The following BPGM variants were observed in gnomAD, a reference collection of about 807,000 sequenced individuals.
The protein encoded by BPGM is bisphosphoglycerate mutase, also known as 2,3-bisphosphoglycerate mutase, erythrocyte.
A neutral mutation model predicts 21.6 loss-of-function variants in BPGM; 15 were observed. The observed-to-expected ratio is 0.70, with a 90% CI of 0.47 to 1.07. The LOEUF (loss-of-function observed/expected upper bound fraction) is 1.07, where lower values mean the gene tolerates loss of function less well. Ranked by LOEUF, BPGM falls within the 50% of genes least tolerant of loss-of-function variation. The pLI is 0.00. For synonymous variants in BPGM, 113 were observed against 116.2 expected, an observed-to-expected ratio of 0.97 and a Z score of 0.18; for missense variants, 273 against 319.0, an observed-to-expected ratio of 0.86 and a Z score of 1.10.
rs545767537 is a variant in BPGM, at chr7:134,679,813, C to A, written c.*782C>A. ...ATAAAGTGACTGAAAATGGCATCCC[C>A]AAAGTGTCTCCGTGTGTTTGGTGAA... On this transcript the variant is annotated 3_prime_UTR_variant, in exon 3 of 3. Coordinates refer to ENST00000344924, the MANE Select transcript of BPGM (RefSeq NM_001724.5). 6.6e-6 allele frequency: 1 copy of A among 152,174 alleles called. No individual in the cohort carries two copies. Among genetic ancestry groups the A allele is most frequent in the Non-Finnish European group, 1.5e-5 (1 of 68,024 alleles). The allele number at this position is 152,174 out of a possible 1,614,324, so 9.4% of individuals were successfully genotyped here.
intron 2 of BPGM, 79 bp from the exon 3 acceptor site, chr7:134,678,774 A>G (rs1796018177): frequency 1.5e-6 from 2 of 1,344,286 alleles, no homozygotes; most frequent in African/African-American, 2.9e-5. Context: ...AATGGGATTA[A>G]AGTGCAGTTA....
chr7:134,653,429 T>C (rs1795587913), intron 1 of BPGM, among the ~76,000 whole-genome samples: 1 of 152,240 alleles, frequency 6.6e-6, no homozygotes, highest in East Asian at 1.9e-4. Flanking sequence ...CTAGTGTTCA[T>C]ACTCCTGGGT....
chr7:134,664,707 T>C (rs982947858), intron 2 of BPGM, among the ~76,000 whole-genome samples: 2 of 152,224 alleles, frequency 1.3e-5, no homozygotes, highest in Non-Finnish European at 2.9e-5. Context: ...ACCCAAGTGT[T>C]CATCAACTTA....
intron 2 of BPGM, among the ~76,000 whole-genome samples, chr7:134,662,894 G>A (rs553846976): frequency 6.6e-6 from 1 of 152,188 alleles, no homozygotes; most frequent in Non-Finnish European, 1.5e-5. Flanking sequence ...ATGAACTCTT[G>A]AGGATTCAGG....
At chr7:134,656,919 G>A (rs894727091) in intron 1 of BPGM, among the ~76,000 whole-genome samples, 1 of 152,180 alleles carries the variant, frequency 6.6e-6, no homozygotes, top group Admixed American at 6.5e-5. Flanking sequence ...CTGCCTATGA[G>A]CCTAGAAAAT....
rs79905798 is a variant in BPGM at position 134,650,945 on chromosome 7, T to C, written c.-62+4008T>C. ...GTCTCAAAAGAAACATTAAAAGCCT[T>C]AAGGAACTGAGCCCCAGATTTCATT... On this transcript the variant is annotated intron_variant, in intron 1 of 2. Transcript: ENST00000344924. Among the ~76,000 whole-genome samples, 1,112 of 152,298 alleles carry C rather than the reference T, an allele frequency of 7.3e-3. 11 individuals carry two copies. The highest frequency in any genetic ancestry group is 0.026 in the African/African-American group (1,061 of 41,556).
intron 1 of BPGM, among the ~76,000 whole-genome samples, chr7:134,651,979 AAGG>A (rs1422912224): frequency 1.3e-5 from 2 of 152,222 alleles, no homozygotes; most frequent in African/African-American, 2.4e-5. Context: ...GATATTTTTG[AAGG>A]AGATTAACAG....
chr7:134,670,793 G>A (rs1795891717), intron 2 of BPGM, among the ~76,000 whole-genome samples: 1 of 152,074 alleles, frequency 6.6e-6, no homozygotes. Context: ...TGAATGAGTT[G>A]ACTGGAGTTG....
At chr7:134,651,321 A>G (rs996890329) in intron 1 of BPGM, among the ~76,000 whole-genome samples, 1 of 152,092 alleles carries the variant, frequency 6.6e-6, no homozygotes, top group Non-Finnish European at 1.5e-5. Flanking sequence ...AGTTTGTCCT[A>G]TTTGTCCGTG....
intron 1 of BPGM, among the ~76,000 whole-genome samples, chr7:134,656,831 G>A (rs922311181): frequency 2.0e-5 from 3 of 152,014 alleles, no homozygotes; most frequent in East Asian, 1.9e-4. Context: ...TCCAACAGTC[G>A]CCCAAAGTCT....
intron 1 of BPGM, chr7:134,658,694 A>G (rs1795679915): frequency 6.6e-6 from 1 of 152,222 alleles, no homozygotes; most frequent in African/African-American, 2.4e-5. Flanking sequence ...TTAAGTGGGA[A>G]AAGTCCGTTG....
At chr7:134,656,099 T>A (rs1795633297) in intron 1 of BPGM, among the ~76,000 whole-genome samples, 1 of 152,148 alleles carries the variant, frequency 6.6e-6, no homozygotes, top group Non-Finnish European at 1.5e-5. Flanking sequence ...TAGAAATGCA[T>A]ATTCACAGTC....
Position 134,661,526 on chromosome 7 carries a change from A to C in BPGM, c.19A>C (p.Ile7Leu), listed in dbSNP as rs764826321. The change falls in exon 2 of 3, where the codon ATT (isoleucine) becomes CTT (leucine). Residue 7 changes from isoleucine to leucine, a missense_variant. Transcript: ENST00000344924. This position sits in a 1 kb window ranked among gnomAD's most constrained non-coding sequence, Gnocchi z 4.6. Reference sequence around the variant, plus strand: ...CATCAGTATGTCCAAGTACAAACTTATTATGTTAAGACATGGAGAGGGTGC... The same window carrying C: ...CATCAGTATGTCCAAGTACAAACTTCTTATGTTAAGACATGGAGAGGGTGC... MSKYKLIMLRHGEGAWN... is the reference protein window; with the variant it reads MSKYKLLMLRHGEGAWN... The C allele has an allele frequency of 1.0e-4, 166 of 1,614,066 alleles. No homozygotes were observed. The highest frequency in any genetic ancestry group is 1.3e-4 in the Non-Finnish European group (153 of 1,180,018).
At chr7:134,673,925 T>TA (rs1392256285) in intron 2 of BPGM, among the ~76,000 whole-genome samples, 50 of 148,298 alleles carry the variant, frequency 3.4e-4, no homozygotes, top group Non-Finnish European at 5.8e-4. Context: ...TTTTTTTTTT[T>TA]AAATTGAGAC....
chr7:134,668,398 G>A (rs964247513), intron 2 of BPGM, among the ~76,000 whole-genome samples: 7 of 152,208 alleles, frequency 4.6e-5, no homozygotes, highest in African/African-American at 1.7e-4. Flanking sequence ...AAGAAGCTGA[G>A]TCAAGAACAT....
At position 134,661,654 on chromosome 7, in the gene BPGM, CTTTGAGTTTGATCTTGTA is replaced by C; in HGVS notation, c.150_167del (p.Glu51_Phe56del). 2 of 1,614,130 alleles carry C rather than the reference CTTTGAGTTTGATCTTGTA, an allele frequency of 1.2e-6. No homozygotes were observed. Among genetic ancestry groups the C allele is most frequent in the Non-Finnish European group, 1.7e-6 (2 of 1,180,032 alleles). On this transcript the variant is annotated inframe_deletion, in exon 2 of 3. Transcript: ENST00000344924. This position sits in a 1 kb window ranked among gnomAD's most constrained non-coding sequence, Gnocchi z 4.6. ...GTGGGAAGCAACTCAAAGCGTTAAACTTTGAGTTTGATCTTGTATTCACATCTGTCCTTAATCGGTCCA... is the reference window on the plus strand; with the variant it reads ...GTGGGAAGCAACTCAAAGCGTTAAACTTCACATCTGTCCTTAATCGGTCCA...
intron 2 of BPGM, among the ~76,000 whole-genome samples, chr7:134,678,444 C>G (rs779714806): frequency 5.9e-5 from 9 of 152,170 alleles, no homozygotes; most frequent in African/African-American, 1.2e-4. Context: ...GCGAAAAGTC[C>G]TAATTTTAGT....
intron 2 of BPGM, among the ~76,000 whole-genome samples, chr7:134,664,817 T>C (rs1010755957): frequency 6.6e-6 from 1 of 152,218 alleles, no homozygotes; most frequent in African/African-American, 2.4e-5. Context: ...AATAACTCTG[T>C]TATGTGAAAG....
intron 2 of BPGM, among the ~76,000 whole-genome samples, chr7:134,662,433 T>G (rs1377581807): frequency 6.6e-6 from 1 of 152,156 alleles, no homozygotes; most frequent in African/African-American, 2.4e-5. Context: ...TCTTAGAAGT[T>G]TTAGGTGATG....
Sources: allele counts gnomAD v4.1 joint callset (sites outside exome capture counted in the v4.1 genomes callset), GRCh38; gene constraint gnomAD v4.1.1; non-coding constraint Gnocchi (gnomAD v3.1); transcripts MANE v1.5; gene names NCBI Gene and HGNC (gene_info 2026-07-23, HGNC 2026-07-21).